MAOB: variants seen among roughly 807,000 people sequenced by gnomAD.
MAOB encodes amine oxidase [flavin-containing] B.
A neutral mutation model predicts 41.9 loss-of-function variants in MAOB; 15 were observed. The ratio of observed to expected loss-of-function variants is 0.36; its 90% CI spans 0.24 to 0.55. The LOEUF is 0.55. Ranked by LOEUF, MAOB falls within the 20% of genes least tolerant of loss-of-function variation. MAOB has a pLI of 0.86. For synonymous variants in MAOB, 167 were observed against 144.2 expected, an observed-to-expected ratio of 1.16 and a Z score of -1.13; for missense variants, 345 against 398.7, an observed-to-expected ratio of 0.87 and a Z score of 1.15.
chrX:43,781,509 C>T lies in MAOB; in HGVS notation c.964G>A (p.Ala322Thr), dbSNP rs1486086634. 8.4e-7 allele frequency: 1 copy of T among 1,196,867 alleles called. No homozygotes were observed. Among genetic ancestry groups the T allele is most frequent in the East Asian group, 3.0e-5 (1 of 33,445 alleles). Residue 322 changes from alanine to threonine, a missense_variant, in exon 9 of 15, where the codon GCT (alanine) becomes ACT (threonine). Physicochemically the swap from Ala to Thr is moderately conservative, Grantham distance 58 (BLOSUM62 0). Coordinates refer to ENST00000378069, the MANE Select transcript of MAOB (RefSeq NM_000898.5). ...TCATCCAACGTGTAGGCAACTGGAG[C>T]TTCTTCTCCATCAATAATCATGGTT... ...CGTMIIDGEE[A>T]PVAYTLDDTK...
At chrX:43,830,482 A>G (rs962438109) in intron 3 of MAOB, among the ~76,000 whole-genome samples, 1 of 112,139 alleles carries the variant, frequency 8.9e-6, no homozygotes, top group African/African-American at 3.2e-5. Context: ...TTATTTATCT[A>G]TTTATGATCG....
intron 3 of MAOB, among the ~76,000 whole-genome samples, chrX:43,819,389 G>A (rs1452704887): frequency 2.7e-5 from 3 of 111,037 alleles, no homozygotes; most frequent in African/African-American, 9.8e-5. Flanking sequence ...TGGCCCTCTT[G>A]CCCCACTCAG....
At chrX:43,803,490 C>A (rs1399145662) in intron 3 of MAOB, 86 bp from the exon 4 acceptor site, 1 of 1,090,915 alleles carries the variant, frequency 9.2e-7, no homozygotes, top group East Asian at 3.6e-5. Flanking sequence ...TGTCTGCAAG[C>A]AAAATTATGT....
chrX:43,879,578 A>T (rs1204947038), intron 1 of MAOB, among the ~76,000 whole-genome samples: 2 of 111,785 alleles, frequency 1.8e-5, no homozygotes, highest in Non-Finnish European at 3.8e-5. Context: ...GTGTCCTCCC[A>T]GAACCTCCAA....
At chrX:43,853,267 C>CA (rs397957481) in intron 1 of MAOB, among the ~76,000 whole-genome samples, 2,406 of 25,767 alleles carry the variant, frequency 0.093, 101 homozygotes, top group African/African-American at 0.13. Context: ...GAGTCCGTCT[C>CA]AAAAAAAAAA....
At chrX:43,780,868 C>T (rs1166212117) in intron 9 of MAOB, among the ~76,000 whole-genome samples, 4 of 111,930 alleles carry the variant, frequency 3.6e-5, no homozygotes, top group Non-Finnish European at 3.8e-5. Flanking sequence ...TAGCTTTGAT[C>T]TCTCTGTTCT....
At chrX:43,772,466 T>C (rs2034197160) in intron 12 of MAOB, among the ~76,000 whole-genome samples, 1 of 111,853 alleles carries the variant, frequency 8.9e-6, no homozygotes, top group African/African-American at 3.3e-5. Flanking sequence ...CCCACCACTC[T>C]GTGGTCAGAA....
At chrX:43,828,290 A>C (rs1169201489) in intron 3 of MAOB, among the ~76,000 whole-genome samples, 1 of 112,137 alleles carries the variant, frequency 8.9e-6, no homozygotes, top group Non-Finnish European at 1.9e-5. Context: ...AACCCAAGAA[A>C]CATGTATGGC....
At chrX:43,802,471 T>C (rs2034606793) in intron 4 of MAOB, among the ~76,000 whole-genome samples, 1 of 111,908 alleles carries the variant, frequency 8.9e-6, no homozygotes, top group African/African-American at 3.3e-5. Flanking sequence ...CTATTATAAA[T>C]CTGTACCACC....
At chrX:43,840,893 GTTTT>G (rs749492144) in intron 2 of MAOB, among the ~76,000 whole-genome samples, 1 of 92,126 alleles carries the variant, frequency 1.1e-5, no homozygotes, top group African/African-American at 4.0e-5. Context: ...AGCTGCAGGA[GTTTT>G]TTTTTTTTTT....
intron 1 of MAOB, among the ~76,000 whole-genome samples, chrX:43,877,267 A>G (rs2035445891): frequency 9.0e-6 from 1 of 111,232 alleles, no homozygotes; most frequent in Non-Finnish European, 1.9e-5. Flanking sequence ...CTCAATACCC[A>G]GTCAGAGGAG....
chrX:43,853,588 A>G (rs752321619), intron 1 of MAOB, among the ~76,000 whole-genome samples: 51 of 111,946 alleles, frequency 4.6e-4, no homozygotes, highest in Non-Finnish European at 8.7e-4. Context: ...TTATATGGAG[A>G]TAGTCTTTAC....
At chrX:43,785,208 C>T (rs1341562134) in intron 8 of MAOB, among the ~76,000 whole-genome samples, 4 of 113,148 alleles carry the variant, frequency 3.5e-5, no homozygotes, top group Non-Finnish European at 5.6e-5. Context: ...AATGTTCTTA[C>T]GTAGAACTTC....
chrX:43,770,266 G>C (rs188227204), intron 12 of MAOB, among the ~76,000 whole-genome samples: 15 of 111,639 alleles, frequency 1.3e-4, no homozygotes, highest in Non-Finnish European at 2.6e-4. Flanking sequence ...CCACTCTGAA[G>C]GGCCATTCTA....
chrX:43,871,114 G>A (rs1187071685), intron 1 of MAOB, among the ~76,000 whole-genome samples: 1 of 111,599 alleles, frequency 9.0e-6, no homozygotes, highest in African/African-American at 3.3e-5. Context: ...GTCCTACAGT[G>A]AACTCTCAGG....
At chrX:43,852,549 G>A (rs1480220769) in intron 1 of MAOB, among the ~76,000 whole-genome samples, 4 of 111,893 alleles carry the variant, frequency 3.6e-5, no homozygotes, top group African/African-American at 1.3e-4. Context: ...TAGTTGGTTG[G>A]TATATGAGTG....
At position 43,803,381 on chromosome X, in the gene MAOB, C is replaced by T. The variant is rs1192138696; in HGVS notation, c.303G>A (p.Gly101=). The change falls in exon 4 of 15, where the codon GGG becomes GGA. Residue 101 remains glycine, a synonymous_variant. Coordinates refer to ENST00000378069, the MANE Select transcript of MAOB (RefSeq NM_000898.5). ...TTGGATTCCATACAGGTGGGAATGG[C>T]CCCCTGAAGGGGTATGATTTGCCCT... is the stretch of plus-strand genomic sequence containing the variant. ...HVKGKSYPFR[G]PFPPVWNPIT... is the part of the protein sequence containing the mutation. 8 of 1,173,729 alleles carry T rather than the reference C, an allele frequency of 6.8e-6. No homozygotes were observed. In the African/African-American group the frequency reaches 1.1e-4, roughly 16 times the overall value.
intron 7 of MAOB, among the ~76,000 whole-genome samples, chrX:43,795,333 G>T (rs1196950174): frequency 8.9e-6 from 1 of 112,378 alleles, no homozygotes; most frequent in Non-Finnish European, 1.9e-5. Flanking sequence ...AGAGTTGTGA[G>T]AAAGGGCATG....
chrX:43,865,645 C>G (rs1472185361), intron 1 of MAOB, among the ~76,000 whole-genome samples: 1 of 111,429 alleles, frequency 9.0e-6, no homozygotes, highest in Non-Finnish European at 1.9e-5. Context: ...ATTGTCATTA[C>G]TTTTTCAAGT....
Sources: allele counts gnomAD v4.1 joint callset (sites outside exome capture counted in the v4.1 genomes callset), GRCh38; gene constraint gnomAD v4.1.1; transcripts MANE v1.5; gene names NCBI Gene and HGNC (gene_info 2026-07-23, HGNC 2026-07-21).